The following ITGA10 variants were observed in gnomAD, a reference collection of about 807,000 sequenced individuals.
The protein encoded by ITGA10 is integrin alpha-10.
A neutral mutation model predicts 145.2 loss-of-function variants in ITGA10; 105 were observed. That is an observed-to-expected ratio of 0.72 (90% CI 0.62 to 0.85). ITGA10 has a LOEUF of 0.85. Among genes scored for constraint, ITGA10 ranks in the 40% least tolerant of loss-of-function variants. The pLI is 0.00. For missense variants in ITGA10, 1,317 were observed against 1,444.5 expected (o/e 0.91, Z 1.43); for synonymous variants, 506 against 557.8 (o/e 0.91, Z 1.31).
intron 14 of ITGA10, 107 bp downstream of exon 14, chr1:145,900,683 A>T: frequency 8.5e-7 from 1 of 1,178,158 alleles, no homozygotes; most frequent in Non-Finnish European, 1.2e-6. Context: ...TAATAAAAGC[A>T]CTTGTTCAGT....
rs782200332 is a variant in ITGA10 at position 145,907,355 on chromosome 1, A to G, written c.163T>C (p.Trp55Arg). 1 of 1,614,138 alleles carries G rather than the reference A, an allele frequency of 6.2e-7. No individual in the cohort carries two copies. The highest frequency in any genetic ancestry group is 8.5e-7 in the Non-Finnish European group (1 of 1,180,020). Reference sequence around the variant, plus strand: ...CTGGCACTCCGGTTTCTTCCTCACCATCGCTGTCCACCCCCAACATGTTGT... The same window carrying G: ...CTGGCACTCCGGTTTCTTCCTCACCGTCGCTGTCCACCCCCAACATGTTGT... ...VLQHVGGGQR[W>R]MLVGAPWDGP... Residue 55 changes from tryptophan (W) to arginine (R), a missense_variant and splice_region_variant, in exon 2 of 30, where the codon TGG becomes CGG. Coordinates refer to ENST00000369304, the MANE Select transcript of ITGA10 (RefSeq NM_003637.5).
chr1:145,901,741 C>G lies in ITGA10; in HGVS notation c.1295-77G>C. 6.5e-7 allele frequency: 1 copy of G among 1,535,010 alleles called. No homozygotes were observed. Among genetic ancestry groups the G allele is most frequent in the Non-Finnish European group, 8.8e-7 (1 of 1,137,644 alleles). On this transcript the variant is annotated intron_variant, in intron 11 of 29. Coordinates refer to ENST00000369304, the MANE Select transcript of ITGA10 (RefSeq NM_003637.5). This position sits in a 1 kb window ranked among gnomAD's most constrained non-coding sequence, Gnocchi z 4.3. ...GTAGGGGGGTTCCCTAAAGGCATAG[C>G]AGGAGGTCCCAAGGGAAGTAACCAG... is the stretch of plus-strand genomic sequence containing the variant.
chr1:145,909,843 TACA>T, intron 1 of ITGA10, 117 bp downstream of exon 1: 1 of 820,678 alleles, frequency 1.2e-6, no homozygotes, highest in Admixed American at 1.9e-5. Flanking sequence ...ACAAGAAATG[TACA>T]ACCAGTGTTC....
At position 145,897,045 on chromosome 1, in the gene ITGA10, G is replaced by A. The variant is rs1553745434; in HGVS notation, c.2710C>T (p.Leu904=). 1.2e-6 allele frequency: 2 copies of A among 1,613,978 alleles called. No homozygotes were observed. The highest frequency in any genetic ancestry group is 1.1e-5 in the South Asian group (1 of 91,086). ...GTCAGCTTCACGAAGACCTGGCTCA[G>A]GAGAGAGGAGCAGCTAAACTCAAAC... ...LEFEFSCSSL[L]SQVFVKLTAS... Residue 904 remains leucine (L), a synonymous_variant, in exon 22 of 30, where the codon CTG becomes TTG. Coordinates refer to ENST00000369304, the MANE Select transcript of ITGA10 (RefSeq NM_003637.5).
At position 145,902,826 on chromosome 1, in the gene ITGA10, T is replaced by C. The variant is rs1479617332; in HGVS notation, c.894A>G (p.Thr298=). 8 of 1,610,886 alleles carry C rather than the reference T, an allele frequency of 5.0e-6. No individual in the cohort carries two copies. The highest frequency in any genetic ancestry group is 6.8e-6 in the Non-Finnish European group (8 of 1,178,544). The change falls in exon 8 of 30, where the codon ACA becomes ACG. Residue 298 remains threonine, a synonymous_variant. Coordinates refer to ENST00000369304, the MANE Select transcript of ITGA10 (RefSeq NM_003637.5). ...GAATTCTCACTGCAATCCCATAGCGTGTCACTCTTCCAGCCTCACAGGCCT... is the reference window on the plus strand; with the variant it reads ...GAATTCTCACTGCAATCCCATAGCGCGTCACTCTTCCAGCCTCACAGGCCT... ...ALKACEAGRV[T]RYGIAVLGHY...
At chr1:145,908,265 T>C (rs1462915025) in intron 1 of ITGA10, among the ~76,000 whole-genome samples, 1 of 152,174 alleles carries the variant, frequency 6.6e-6, no homozygotes, top group African/African-American at 2.4e-5. Flanking sequence ...TCCAGTGTCA[T>C]TGTCACACTC....
At position 145,907,083 on chromosome 1, in the gene ITGA10, C is replaced by T. The variant is rs1553751462; in HGVS notation, c.232G>A (p.Val78Ile). The change falls in exon 3 of 30, where the codon GTA becomes ATA. Residue 78 changes from valine to isoleucine, a missense_variant. Coordinates refer to ENST00000369304, the MANE Select transcript of ITGA10 (RefSeq NM_003637.5). ...DRRGDVYRCP[V>I]GGAHNAPCAK... ...CATGGGGCATTGTGGGCCCCCCCTACAGGGCAGCGATAAACGTCCCCCCTC... is the reference window on the plus strand; with the variant it reads ...CATGGGGCATTGTGGGCCCCCCCTATAGGGCAGCGATAAACGTCCCCCCTC... 1 of 1,564,066 alleles carries T rather than the reference C, an allele frequency of 6.4e-7. No individual in the cohort carries two copies. Among genetic ancestry groups the T allele is most frequent in the Admixed American group, 1.9e-5 (1 of 52,178 alleles).
At chr1:145,906,936 G>T in intron 3 of ITGA10, 105 bp downstream of exon 3, 1 of 1,130,626 alleles carries the variant, frequency 8.8e-7, no homozygotes, top group Non-Finnish European at 1.3e-6. Flanking sequence ...TTGGGGACAG[G>T]GAGTATGCGG....
At position 145,904,814 on chromosome 1, in the gene ITGA10, A is replaced by C; in HGVS notation, c.482-3T>G. On this transcript the variant is annotated splice_polypyrimidine_tract_variant and splice_region_variant and intron_variant, in intron 5 of 29. Transcript: ENST00000369304. ...AACATCCATGTATGTTGGGCAGCCT[A>C]GAAGGAAGGAGAACACTGAGGTAGA... is the stretch of plus-strand genomic sequence containing the variant. The C allele has an allele frequency of 6.2e-7, 1 of 1,613,630 alleles. No homozygotes were observed. Among genetic ancestry groups the C allele is most frequent in the Non-Finnish European group, 8.5e-7 (1 of 1,179,654 alleles).
At position 145,907,091 on chromosome 1, in the gene ITGA10, C is replaced by T. The variant is rs782722593; in HGVS notation, c.224G>A (p.Arg75His). 7.0e-6 allele frequency: 11 copies of T among 1,564,290 alleles called. No homozygotes were observed. The African/African-American group carries it at 8.1e-5, about 12-fold the overall frequency. The change falls in exon 3 of 30, where the codon CGC (arginine) becomes CAC (histidine). Residue 75 changes from arginine (R) to histidine (H), a missense_variant. Coordinates refer to ENST00000369304, the MANE Select transcript of ITGA10 (RefSeq NM_003637.5). Reference protein sequence around the residue: ...PSGDRRGDVYRCPVGGAHNAP... With the variant: ...PSGDRRGDVYHCPVGGAHNAP... ...ATTGTGGGCCCCCCCTACAGGGCAG[C>T]GATAAACGTCCCCCCTCCGGTCGCC...
rs1553746525 is a variant in ITGA10, at chr1:145,898,973, C to G, written c.2195G>C (p.Gly732Ala). ...GTGTAGCTGCTCACAAGTGACATTCCCCACACTGAGCCGGAGCCTCCGAGG... is the reference window on the plus strand; with the variant it reads ...GTGTAGCTGCTCACAAGTGACATTCGCCACACTGAGCCGGAGCCTCCGAGG... ...LSPRRLRLSV[G>A]NVTCEQLHFH... Residue 732 changes from glycine to alanine, a missense_variant, in exon 17 of 30, where the codon GGG (glycine) becomes GCG (alanine). Gly to Ala is a moderately conservative substitution (Grantham distance 60). Transcript: ENST00000369304. The G allele has an allele frequency of 6.2e-7, 1 of 1,614,160 alleles. No individual in the cohort carries two copies. Among genetic ancestry groups the G allele is most frequent in the Non-Finnish European group, 8.5e-7 (1 of 1,180,036 alleles).
chr1:145,904,108 G>T lies in ITGA10; in HGVS notation c.702C>A (p.Asn234Lys), dbSNP rs782088711. 9 of 1,614,096 alleles carry T rather than the reference G, an allele frequency of 5.6e-6. No homozygotes were observed. The highest frequency in any genetic ancestry group is 6.8e-6 in the Non-Finnish European group (8 of 1,180,020). ...TKEEVVRAAK[N>K]LSRREGRETK... ...TTTCTCGTCCCTCCCGCCGACTGAGGTTCTTTGCTGCTCTCACCACTTCTT... is the reference window on the plus strand; with the variant it reads ...TTTCTCGTCCCTCCCGCCGACTGAGTTTCTTTGCTGCTCTCACCACTTCTT... The change falls in exon 7 of 30, where the codon AAC (asparagine) becomes AAA (lysine). Residue 234 changes from asparagine to lysine, a missense_variant. By Grantham distance (94) the Asn-to-Lys change is moderately conservative. Transcript: ENST00000369304.
chr1:145,899,267 C>T lies in ITGA10; in HGVS notation c.1997G>A (p.Cys666Tyr). The change falls in exon 16 of 30, where the codon TGT becomes TAT. Residue 666 changes from cysteine (C) to tyrosine (Y), a missense_variant. Coordinates refer to ENST00000369304, the MANE Select transcript of ITGA10 (RefSeq NM_003637.5). ...GACTGCCTCTTGGCCTCGCCGCCTACAGTCCCTCTGAACCACACTGATGGC... is the reference window on the plus strand; with the variant it reads ...GACTGCCTCTTGGCCTCGCCGCCTATAGTCCCTCTGAACCACACTGATGGC... ...PQAISVVQRD[C>Y]RRRGQEAVCL... 3.1e-6 allele frequency: 5 copies of T among 1,614,242 alleles called. No individual in the cohort carries two copies. Among genetic ancestry groups the T allele is most frequent in the Non-Finnish European group, 3.4e-6 (4 of 1,180,050 alleles).
rs202216195 is a variant in ITGA10, at chr1:145,898,986, G to A, written c.2182C>T (p.Arg728Trp). ...CAAGTGACATTCCCCACACTGAGCC[G>A]GAGCCTCCGAGGGGACAACCTCTGG... ...SGQRLSPRRLRLSVGNVTCEQ... is the reference protein window; with the variant it reads ...SGQRLSPRRLWLSVGNVTCEQ... Residue 728 changes from arginine (R) to tryptophan (W), a missense_variant, in exon 17 of 30, where the codon CGG (arginine) becomes TGG (tryptophan). By Grantham distance (101) the Arg-to-Trp change is moderately radical. Coordinates refer to ENST00000369304, the MANE Select transcript of ITGA10 (RefSeq NM_003637.5). 115 of 1,614,216 alleles carry A rather than the reference G, an allele frequency of 7.1e-5. 2 individuals carry two copies. The South Asian group carries it at 1.1e-3, about 16-fold the overall frequency.
chr1:145,894,098 C>G (rs761532127), intron 27 of ITGA10, among the ~76,000 whole-genome samples: 3 of 147,544 alleles, frequency 2.0e-5, no homozygotes, highest in Non-Finnish European at 3.0e-5. Context: ...AGCAGAGTAC[C>G]AAGTATGTAG....
At chr1:145,892,905 TG>T in intron 29 of ITGA10, 42 bp from the exon 30 acceptor site, 1 of 1,509,434 alleles carries the variant, frequency 6.6e-7, no homozygotes, top group South Asian at 1.1e-5. Context: ...ATGCCTAGAC[TG>T]GGAACCTTGC....
chr1:145,893,042 G>A, intron 29 of ITGA10, 119 bp downstream of exon 29: 1 of 909,764 alleles, frequency 1.1e-6, no homozygotes, highest in Non-Finnish European at 1.8e-6. Context: ...AGGAGATCTG[G>A]GCATGACATC....
rs782768617 is a variant in ITGA10 at position 145,904,112 on chromosome 1, T to C, written c.698A>G (p.Lys233Arg). 1.9e-5 allele frequency: 31 copies of C among 1,614,066 alleles called. 1 individual carries two copies. The Admixed American group carries it at 4.7e-4, about 24-fold the overall frequency. ...TCGTCCCTCCCGCCGACTGAGGTTC[T>C]TTGCTGCTCTCACCACTTCTTCCTT... ...RTKEEVVRAA[K>R]NLSRREGRET... Residue 233 changes from lysine (K) to arginine (R), a missense_variant, in exon 7 of 30, where the codon AAG (lysine) becomes AGG (arginine). Transcript: ENST00000369304.
Position 145,901,499 on chromosome 1 carries a change from T to C in ITGA10, c.1443+17A>G, listed in dbSNP as rs1471218550. 2 of 1,549,898 alleles carry C rather than the reference T, an allele frequency of 1.3e-6. No homozygotes were observed. The highest frequency in any genetic ancestry group is 8.7e-7 in the Non-Finnish European group (1 of 1,151,050). On this transcript the variant is annotated intron_variant, in intron 12 of 29. Transcript: ENST00000369304. The surrounding 1 kb of genome is among the most constrained non-coding windows in gnomAD (Gnocchi z 4.3). ...CCCTGGGAATCCAAAGGTCCCACCC[T>C]TCCTTGGATGCCCTACCTGCTCCCC...
Sources: allele counts gnomAD v4.1 joint callset (sites outside exome capture counted in the v4.1 genomes callset), GRCh38; gene constraint gnomAD v4.1.1; non-coding constraint Gnocchi (gnomAD v3.1); transcripts MANE v1.5; gene names NCBI Gene and HGNC (gene_info 2026-07-23, HGNC 2026-07-21).